E2F6: variants seen among roughly 807,000 people sequenced by gnomAD.
E2F6 encodes the protein E2F transcription factor 6, also known as transcription factor E2F6.
In E2F6, 19 loss-of-function variants were observed where a neutral mutation model predicts 31.5. The observed-to-expected ratio is 0.60, with a 90% CI of 0.42 to 0.89. The LOEUF (loss-of-function observed/expected upper bound fraction) is 0.89, where lower values mean the gene tolerates loss of function less well. Ranked by LOEUF, E2F6 falls within the 40% of genes least tolerant of loss-of-function variation. E2F6 has a pLI of 0.00. For missense variants in E2F6, 269 were observed against 341.6 expected, an observed-to-expected ratio of 0.79 and a Z score of 1.67; for synonymous variants, 121 against 127.7, an observed-to-expected ratio of 0.95 and a Z score of 0.36.
chr2:11,447,836 C>T, intron 5 of E2F6, 62 bp from the exon 6 acceptor site: 1 of 1,550,250 alleles, frequency 6.5e-7, no homozygotes, highest in South Asian at 1.2e-5. Context: ...TTTTCACTCA[C>T]TAGAACTGCA....
At chr2:11,454,049 C>T (rs147782850) in intron 2 of E2F6, among the ~76,000 whole-genome samples, 1,553 of 152,240 alleles carry the variant, frequency 0.01, 4 homozygotes, top group Middle Eastern at 0.031. Context: ...CAGTGTCCAC[C>T]GAACATGTGG....
In E2F6 at chr2:11,449,999, CA is replaced by C; in HGVS notation, c.651+12del. 6.3e-7 allele frequency: 1 copy of C among 1,593,438 alleles called. No homozygotes were observed. Among genetic ancestry groups the C allele is most frequent in the South Asian group, 1.1e-5 (1 of 90,142 alleles). ...CCCTCTTTAAATCTTTTTAAAAATG[CA>C]GGGTTACCTACTTCTCTGGGAGCTG... On this transcript the variant is annotated intron_variant, in intron 5 of 6. Coordinates refer to ENST00000381525, the MANE Select transcript of E2F6 (RefSeq NM_198256.4).
chr2:11,453,716 A>G lies in E2F6; in HGVS notation c.246T>C (p.Ala82=), dbSNP rs1671217700. ...TGTTTAAGTCAAGAATACCCCCGGG[A>G]GCAGATCTGACAAGATCCATAAATT... ...TRKFMDLVRS[A]PGGILDLNKV... Residue 82 remains alanine, a synonymous_variant, in exon 3 of 7, where the codon GCT becomes GCC. Coordinates refer to ENST00000381525, the MANE Select transcript of E2F6 (RefSeq NM_198256.4). The G allele has an allele frequency of 6.2e-7, 1 of 1,614,220 alleles. No individual in the cohort carries two copies. The highest frequency in any genetic ancestry group is 2.2e-5 in the East Asian group (1 of 44,888).
intron 1 of E2F6, among the ~76,000 whole-genome samples, chr2:11,459,878 C>G (rs74654262): frequency 7.5e-6 from 1 of 134,050 alleles, no homozygotes; most frequent in African/African-American, 2.5e-5. Context: ...TGCGAGACTC[C>G]GTCTCAAAAA....
In E2F6 at chr2:11,455,493, T is replaced by C. The variant is rs1011063154; in HGVS notation, c.163+1686A>G. ...TCCTACACTTAAGATTAAATAGGCG[T>C]AAATTAGGAATTTAAAAGGATTTTT... On this transcript the variant is annotated intron_variant, in intron 2 of 6. Coordinates refer to ENST00000381525, the MANE Select transcript of E2F6 (RefSeq NM_198256.4). 9.1e-5 allele frequency: 118 copies of C among 1,291,918 alleles called. No homozygotes were observed. The African/African-American group carries it at 1.3e-3, about 15-fold the overall frequency. The allele number at this position is 1,291,918 out of a possible 1,614,324, so 80.0% of individuals were successfully genotyped here.
chr2:11,458,259 T>A, intron 1 of E2F6: 1 of 1,551,576 alleles, frequency 6.4e-7, no homozygotes, highest in Non-Finnish European at 8.7e-7. Context: ...GTACTAGGGA[T>A]ACACCCAGAC....
intron 5 of E2F6, among the ~76,000 whole-genome samples, chr2:11,449,738 A>C (rs964270648): frequency 3.9e-5 from 6 of 152,220 alleles, no homozygotes; most frequent in Non-Finnish European, 8.8e-5. Context: ...AGTGAAAAGC[A>C]AACTATGAAG....
intron 1 of E2F6, among the ~76,000 whole-genome samples, chr2:11,462,288 C>G (rs988824205): frequency 6.6e-6 from 1 of 152,116 alleles, no homozygotes; most frequent in Admixed American, 6.6e-5. Context: ...TGCCTAAAAC[C>G]GCAAACAGTA....
chr2:11,456,000 T>TA (rs972404398), intron 2 of E2F6, among the ~76,000 whole-genome samples: 1 of 152,012 alleles, frequency 6.6e-6, no homozygotes, highest in Non-Finnish European at 1.5e-5. Flanking sequence ...AAAGCAGACT[T>TA]AGAGAACCTG....
intron 3 of E2F6, 40 bp downstream of exon 3, chr2:11,453,542 G>A (rs994067356): frequency 2.5e-6 from 4 of 1,581,734 alleles, no homozygotes; most frequent in Admixed American, 1.7e-5. Context: ...CACTTGATGA[G>A]AAGGAACAAA....
chr2:11,458,671 G>A (rs996829082), intron 1 of E2F6, among the ~76,000 whole-genome samples: 3 of 152,214 alleles, frequency 2.0e-5, no homozygotes, highest in African/African-American at 7.2e-5. Flanking sequence ...GGCAAGGTGA[G>A]CAGTTAAGAA....
chr2:11,461,922 A>G (rs80269599), intron 1 of E2F6, among the ~76,000 whole-genome samples: 2,552 of 152,368 alleles, frequency 0.017, 29 homozygotes, highest in Middle Eastern at 0.048. Context: ...AATATCACAT[A>G]TAGCGTCACT....
intron 2 of E2F6, among the ~76,000 whole-genome samples, chr2:11,454,067 C>T (rs1413179054): frequency 1.3e-5 from 2 of 152,214 alleles, no homozygotes; most frequent in African/African-American, 4.8e-5. Context: ...TGGACTTTCA[C>T]AAGTCTACTG....
chr2:11,463,533 G>A (rs1418134158), intron 1 of E2F6, among the ~76,000 whole-genome samples: 4 of 152,096 alleles, frequency 2.6e-5, no homozygotes, highest in Admixed American at 2.0e-4. Context: ...GAATTTCATG[G>A]GATTTGGTGC....
rs1041765834 is a variant in E2F6, at chr2:11,445,111, C to T, written c.*1366G>A. 3.9e-5 allele frequency: 6 copies of T among 152,186 alleles called. No individual in the cohort carries two copies. The highest frequency in any genetic ancestry group is 6.5e-5 in the Admixed American group (1 of 15,280). 9.4% of individuals were successfully genotyped at this position (152,186 alleles called of 1,614,324 possible). On this transcript the variant is annotated 3_prime_UTR_variant, in exon 7 of 7. Transcript: ENST00000381525. ...CTCAGAGGTATGTGAATCCTAAACA[C>T]TCAGCATTATTTTTTAATACTTTGA... is the stretch of plus-strand genomic sequence containing the variant.
At chr2:11,455,272 T>G in intron 2 of E2F6, 1 of 1,025,988 alleles carries the variant, frequency 9.7e-7, no homozygotes, top group Non-Finnish European at 1.2e-6. Context: ...GTGTGGAATA[T>G]ATGACTTTCT....
At chr2:11,454,239 T>C (rs1671254912) in intron 2 of E2F6, among the ~76,000 whole-genome samples, 1 of 152,246 alleles carries the variant, frequency 6.6e-6, no homozygotes, top group South Asian at 2.1e-4. Flanking sequence ...CCCCTTTTAA[T>C]GACTCTATCC....
At position 11,457,223 on chromosome 2, in the gene E2F6, AT is replaced by A; in HGVS notation, c.118del (p.Ile40Ter). 2 of 1,547,154 alleles carry A rather than the reference AT, an allele frequency of 1.3e-6. No individual in the cohort carries two copies. The highest frequency in any genetic ancestry group is 1.8e-6 in the Non-Finnish European group (2 of 1,122,562). Reference protein sequence around the residue: ...INVEGLLPSKIRINLEDNVQY... With the variant: ...INVEGLLPSKXRINLEDNVQY... The stretch of plus-strand genomic sequence containing the variant: ...TACATTATCTTCTAAATTAATCCTT[AT>A]TTTTGATGGCTGAAAAAAAAGATAA... On this transcript the variant is annotated frameshift_variant, in exon 2 of 7. Coordinates refer to ENST00000381525, the MANE Select transcript of E2F6 (RefSeq NM_198256.4). LOFTEE classifies it high-confidence loss of function.
intron 5 of E2F6, 129 bp downstream of exon 5, chr2:11,449,883 C>T: frequency 5.2e-6 from 3 of 574,102 alleles, no homozygotes; most frequent in Non-Finnish European, 3.0e-6. Flanking sequence ...GTGTGAAGTG[C>T]CTTGAGCAGT....
Sources: gnomAD v4.1 joint callset for allele counts (sites outside exome capture counted in the v4.1 genomes callset) on GRCh38, gnomAD v4.1.1 for gene constraint, MANE v1.5 for transcripts, NCBI Gene and HGNC (gene_info 2026-07-23, HGNC 2026-07-21) for gene names.